Variants in PEF1 observed in about 807,000 individuals in gnomAD.
PEF1 encodes peflin.
Under a neutral mutation model 32.0 loss-of-function variants are expected in PEF1, and 17 were observed. The ratio of observed to expected loss-of-function variants is 0.53; its 90% confidence interval spans 0.36 to 0.80. The LOEUF (loss-of-function observed/expected upper bound fraction) is 0.80. PEF1 is among the 30% of genes least tolerant of loss of function. PEF1 has a pLI of 0.00. For synonymous variants in PEF1, 130 were observed against 139.8 expected (o/e 0.93, Z 0.50); for missense variants, 362 against 369.1 (o/e 0.98, Z 0.16).
At chr1:31,635,865 C>T (rs1640240489) in intron 1 of PEF1, among the ~76,000 whole-genome samples, 1 of 152,158 alleles carries the variant, frequency 6.6e-6, no homozygotes, top group Non-Finnish European at 1.5e-5. Flanking sequence ...GTAAATATTT[C>T]CTGTATGAAT....
At chr1:31,639,875 G>T (rs1640352346) in intron 1 of PEF1, among the ~76,000 whole-genome samples, 1 of 152,226 alleles carries the variant, frequency 6.6e-6, no homozygotes, top group African/African-American at 2.4e-5. Flanking sequence ...TGGGGAAGAA[G>T]ATGAGGTGGT....
rs1459554833 is a variant in PEF1 at position 31,642,256 on chromosome 1, AT to A, written c.24+2584del. Among the ~76,000 whole-genome samples, 13 of 152,214 alleles carry A rather than the reference AT, an allele frequency of 8.5e-5. No homozygotes were observed. In the South Asian group the frequency reaches 2.7e-3, roughly 32 times the overall value. Reference sequence around the variant, plus strand: ...TTAAAAATAAACAAATAAATAAAAAATTTTTTTCAAAAAAGGGAAAACTGAG... The same window carrying A: ...TTAAAAATAAACAAATAAATAAAAAATTTTTTCAAAAAAGGGAAAACTGAG... On this transcript the variant is annotated intron_variant, in intron 1 of 4. Coordinates refer to ENST00000373703, the MANE Select transcript of PEF1 (RefSeq NM_012392.4).
chr1:31,638,816 C>G (rs143343448), intron 1 of PEF1, among the ~76,000 whole-genome samples: 1 of 152,326 alleles, frequency 6.6e-6, no homozygotes, highest in Non-Finnish European at 1.5e-5. Flanking sequence ...AGAAACTAAG[C>G]CACGGAGCTG....
At chr1:31,631,963 G>A (rs1221456219) in intron 4 of PEF1, among the ~76,000 whole-genome samples, 1 of 152,186 alleles carries the variant, frequency 6.6e-6, no homozygotes, top group African/African-American at 2.4e-5. Context: ...AGCCCAAACT[G>A]TGGCCTTCTG....
chr1:31,630,376 C>T lies in PEF1; in HGVS notation c.*237G>A, dbSNP rs1368630338. The stretch of plus-strand genomic sequence containing the variant: ...ACTCAACTGCTCATGGCCATCAGGA[C>T]ATTCAACTTCTATCCTCTCCTCCAT... On this transcript the variant is annotated 3_prime_UTR_variant, in exon 5 of 5. Transcript: ENST00000373703. 1.8e-6 allele frequency: 1 copy of T among 542,460 alleles called. No homozygotes were observed. The highest frequency in any genetic ancestry group is 3.3e-6 in the Non-Finnish European group (1 of 301,482). The allele number at this position is 542,460 out of a possible 1,614,324, so 33.6% of individuals were successfully genotyped here. A position where few individuals can be genotyped will look rare whatever the true frequency, so the allele number is the denominator to read the frequency against.
chr1:31,635,482 G>A lies in PEF1; in HGVS notation c.65C>T (p.Pro22Leu), dbSNP rs202217061. The A allele has an allele frequency of 2.8e-5, 43 of 1,531,462 alleles. No homozygotes were observed. The East Asian group carries it at 5.7e-4, about 20-fold the overall frequency. The allele number at this position is 1,531,462 out of a possible 1,614,324, so 94.9% of individuals were successfully genotyped here. A position where few individuals can be genotyped will look rare whatever the true frequency, so the allele number is the denominator to read the frequency against. The change falls in exon 2 of 5, where the codon CCG becomes CTG. Residue 22 changes from proline (P) to leucine (L), a missense_variant. Physicochemically the swap from Pro to Leu is moderately conservative, Grantham distance 98 (BLOSUM62 -3). Transcript: ENST00000373703. ...GGGGGGTCCAGGGTAGTAGCTACCC[G>A]GAGGGGCTCCTGGTGCTTGTCCTGC... Reference protein sequence around the residue: ...GAAGQAPGAPPGSYYPGPPNS... With the variant: ...GAAGQAPGAPLGSYYPGPPNS...
intron 1 of PEF1, chr1:31,644,314 T>A (rs1192536016): frequency 1.0e-6 from 1 of 957,728 alleles, no homozygotes; most frequent in Non-Finnish European, 1.2e-6. Context: ...CTGTGTCTTC[T>A]CGGGGTTCAC....
chr1:31,630,289 G>C lies in PEF1; in HGVS notation c.*324C>G, dbSNP rs1426783028. 1 of 376,230 alleles carries C rather than the reference G, an allele frequency of 2.7e-6. No individual in the cohort carries two copies. The highest frequency in any genetic ancestry group is 2.1e-5 in the African/African-American group (1 of 48,658). 23.3% of individuals were successfully genotyped at this position (376,230 alleles called of 1,614,324 possible). On this transcript the variant is annotated 3_prime_UTR_variant, in exon 5 of 5. Coordinates refer to ENST00000373703, the MANE Select transcript of PEF1 (RefSeq NM_012392.4). ...AACACTCACCACTGGCATCAGGGTGGAGCTCAGCTGACTGGACACTAACTC... is the reference window on the plus strand; with the variant it reads ...AACACTCACCACTGGCATCAGGGTGCAGCTCAGCTGACTGGACACTAACTC...
At chr1:31,633,348 A>G in intron 2 of PEF1, 34 bp from the exon 3 acceptor site, 1 of 1,582,300 alleles carries the variant, frequency 6.3e-7, no homozygotes, top group South Asian at 1.1e-5. Flanking sequence ...ATCAACAGAA[A>G]TGCCAGGAAG....
intron 1 of PEF1, among the ~76,000 whole-genome samples, chr1:31,640,413 G>C (rs185312087): frequency 2.0e-5 from 3 of 152,284 alleles, no homozygotes; most frequent in Admixed American, 6.5e-5. Context: ...CAATAAATGA[G>C]TGAGTGCCTA....
intron 2 of PEF1, chr1:31,634,826 T>A (rs769503775): frequency 2.6e-5 from 12 of 460,852 alleles, no homozygotes; most frequent in South Asian, 1.9e-4. Flanking sequence ...GGGCAAGACA[T>A]ACAGTACTTC....
At chr1:31,643,892 G>T (rs1640473732) in intron 1 of PEF1, among the ~76,000 whole-genome samples, 3 of 152,160 alleles carry the variant, frequency 2.0e-5, no homozygotes, top group Admixed American at 2.0e-4. Context: ...CCGGGCACTG[G>T]CCTTTTAGAA....
chr1:31,636,642 G>A (rs1640261212), intron 1 of PEF1, among the ~76,000 whole-genome samples: 1 of 152,214 alleles, frequency 6.6e-6, no homozygotes, highest in Non-Finnish European at 1.5e-5. Context: ...AATGAGGCCA[G>A]CTATGTGAAG....
rs191896889 is a variant in PEF1, at chr1:31,644,343, G to A, written c.24+498C>T. ...GGTTCACTTTTCTACACGCGAAATG[G>A]CGGTGTTGAACTAAGTCAGTGGTCA... On this transcript the variant is annotated intron_variant, in intron 1 of 4. Coordinates refer to ENST00000373703, the MANE Select transcript of PEF1 (RefSeq NM_012392.4). The A allele has an allele frequency of 1.4e-5, 14 of 981,040 alleles. No individual in the cohort carries two copies. The East Asian group carries it at 1.3e-3, about 94-fold the overall frequency. 60.8% of individuals were successfully genotyped at this position (981,040 alleles called of 1,614,324 possible).
intron 1 of PEF1, among the ~76,000 whole-genome samples, chr1:31,642,508 T>C (rs1640421350): frequency 1.3e-5 from 2 of 152,090 alleles, no homozygotes; most frequent in South Asian, 2.1e-4. Flanking sequence ...CTCCTAACAA[T>C]AGGCTGGAAT....
At chr1:31,632,972 T>C (rs1177526656) in intron 3 of PEF1, among the ~76,000 whole-genome samples, 187 bp downstream of exon 3, 1 of 152,130 alleles carries the variant, frequency 6.6e-6, no homozygotes, top group African/African-American at 2.4e-5. Context: ...GGTCTAGAAC[T>C]TAAGAAAGAT....
chr1:31,640,501 G>A (rs1376738299), intron 1 of PEF1, among the ~76,000 whole-genome samples: 1 of 152,126 alleles, frequency 6.6e-6, no homozygotes, highest in Non-Finnish European at 1.5e-5. Context: ...GAGGTAGAGG[G>A]GAAGGCTGGA....
chr1:31,644,052 C>T (rs908986607), intron 1 of PEF1: 1 of 152,230 alleles, frequency 6.6e-6, no homozygotes, highest in African/African-American at 2.4e-5. Flanking sequence ...GAAACTTGGA[C>T]TCAGAAAGGC....
chr1:31,644,611 G>A (rs1010053927), intron 1 of PEF1: 44 of 1,439,626 alleles, frequency 3.1e-5, no homozygotes, highest in African/African-American at 4.3e-5. Flanking sequence ...CCAAATCCTC[G>A]AGTGAGCGAC....
Sources: allele counts gnomAD v4.1 joint callset (sites outside exome capture counted in the v4.1 genomes callset), GRCh38; gene constraint gnomAD v4.1.1; transcripts MANE v1.5; gene names NCBI Gene and HGNC (gene_info 2026-07-23, HGNC 2026-07-21).